Variants in PARL observed in about 807,000 individuals in gnomAD.
The protein encoded by PARL is presenilin-associated rhomboid-like protein, mitochondrial.
A neutral mutation model predicts 51.6 loss-of-function variants in PARL; 44 were observed. That is an observed-to-expected ratio of 0.85 (90% CI 0.67 to 1.10). PARL has a LOEUF of 1.10. Ranked by LOEUF, PARL falls within the 50% of genes least tolerant of loss-of-function variation. PARL has a pLI of 0.00. For synonymous variants in PARL, 172 were observed against 164.0 expected (o/e 1.05, Z -0.37); for missense variants, 441 against 469.5 (o/e 0.94, Z 0.56).
chr3:183,882,255 A>ATT (rs1734596351), intron 1 of PARL, among the ~76,000 whole-genome samples: 1 of 55,212 alleles, frequency 1.8e-5, no homozygotes, highest in South Asian at 5.3e-4. Context: ...TTATATATAT[A>ATT]TATATATATA....
At chr3:183,865,410 C>T (rs1441543179) in intron 3 of PARL, among the ~76,000 whole-genome samples, 1 of 152,204 alleles carries the variant, frequency 6.6e-6, no homozygotes, top group Non-Finnish European at 1.5e-5. Flanking sequence ...TCCCCAACAA[C>T]CCGGCTGCTG....
chr3:183,882,856 T>C (rs1734722863), intron 1 of PARL, among the ~76,000 whole-genome samples: 2 of 152,162 alleles, frequency 1.3e-5, no homozygotes, highest in South Asian at 4.1e-4. Context: ...CTATTATTAA[T>C]ACATCAAATG....
chr3:183,877,445 A>G (rs1733974100), intron 1 of PARL, among the ~76,000 whole-genome samples: 1 of 152,234 alleles, frequency 6.6e-6, no homozygotes, highest in Non-Finnish European at 1.5e-5. Context: ...AAGCAGCAGC[A>G]CGGTTTGAGA....
intron 4 of PARL, chr3:183,861,401 T>C (rs879833634): frequency 6.2e-6 from 1 of 162,144 alleles, no homozygotes; most frequent in Non-Finnish European, 1.3e-5. Context: ...CAGATGCTTA[T>C]ACTGCCCTCA....
At chr3:183,867,637 T>C (rs533057231) in intron 2 of PARL, among the ~76,000 whole-genome samples, 1 of 151,812 alleles carries the variant, frequency 6.6e-6, no homozygotes, top group East Asian at 1.9e-4. Context: ...GAGGTGGAGC[T>C]TGCAGTGAGC....
intron 8 of PARL, 52 bp downstream of exon 8, chr3:183,833,672 A>G: frequency 6.9e-7 from 1 of 1,443,196 alleles, no homozygotes; most frequent in Non-Finnish European, 9.8e-7. Flanking sequence ...AACCCACTCA[A>G]CATAAAAACA....
chr3:183,838,537 T>C (rs917973315), intron 7 of PARL, among the ~76,000 whole-genome samples: 16 of 152,216 alleles, frequency 1.1e-4, no homozygotes, highest in African/African-American at 3.9e-4. Flanking sequence ...AGGATTTTGA[T>C]GACTGAACAG....
At chr3:183,827,644 A>G (rs115305918), downstream of PARL, among the ~76,000 whole-genome samples, 402 of 152,254 alleles carry the variant, frequency 2.6e-3, 2 homozygotes, top group African/African-American at 9.4e-3. Context: ...AATTCTAGAA[A>G]TAAGAGGCGA....
At chr3:183,866,293 T>C (rs1441727692) in intron 3 of PARL, among the ~76,000 whole-genome samples, 1 of 152,210 alleles carries the variant, frequency 6.6e-6, no homozygotes, top group African/African-American at 2.4e-5. Context: ...CTGTGAAGAA[T>C]ATTAAGTGCA....
At chr3:183,874,606 G>A (rs1015789297) in intron 1 of PARL, among the ~76,000 whole-genome samples, 2 of 151,876 alleles carry the variant, frequency 1.3e-5, no homozygotes, top group African/African-American at 2.4e-5. Context: ...ATGGGGTTTC[G>A]CCATGTTGGC....
intron 4 of PARL, among the ~76,000 whole-genome samples, chr3:183,851,174 T>C (rs1437766355): frequency 2.0e-5 from 3 of 152,204 alleles, no homozygotes; most frequent in Admixed American, 1.3e-4. Flanking sequence ...AATGCCTAAA[T>C]TTAAGAGCTA....
intron 4 of PARL, chr3:183,861,198 A>T: frequency 1.2e-6 from 1 of 843,132 alleles, no homozygotes; most frequent in Non-Finnish European, 1.4e-6. Context: ...CTATCTTTGA[A>T]GTAATCATTT....
At chr3:183,833,882 T>A in intron 7 of PARL, 57 bp from the exon 8 acceptor site, 1 of 1,068,290 alleles carries the variant, frequency 9.4e-7, no homozygotes, top group Non-Finnish European at 1.5e-6. Context: ...GCTTAGTGGC[T>A]ACAAGGTCTA....
chr3:183,863,938 T>C (rs1248491344), intron 3 of PARL, among the ~76,000 whole-genome samples: 1 of 152,250 alleles, frequency 6.6e-6, no homozygotes, highest in African/African-American at 2.4e-5. Context: ...ATGAAGATTA[T>C]GTATACTGTT....
downstream of PARL, among the ~76,000 whole-genome samples, chr3:183,828,035 C>T (rs1295902675): frequency 6.6e-6 from 1 of 152,186 alleles, no homozygotes; most frequent in Non-Finnish European, 1.5e-5. Flanking sequence ...CCAGAGAAGC[C>T]AAGAGGAGAA....
In PARL at chr3:183,844,288, T is replaced by TATG; in HGVS notation, c.549_550insCAT (p.Trp183_Arg184insHis). 6.2e-7 allele frequency: 1 copy of TATG among 1,608,448 alleles called. No individual in the cohort carries two copies. The highest frequency in any genetic ancestry group is 8.5e-7 in the Non-Finnish European group (1 of 1,175,164). ...ATTGTCCGCTGCAGAGAAGGTACTC[T>TATG]CCATAAACAGAATACAAGGACATTT... On this transcript the variant is annotated inframe_insertion, in exon 5 of 10. Transcript: ENST00000317096.
intron 1 of PARL, among the ~76,000 whole-genome samples, chr3:183,878,170 T>C (rs754106829): frequency 6.6e-6 from 1 of 152,184 alleles, no homozygotes; most frequent in Non-Finnish European, 1.5e-5. Flanking sequence ...TTAGTGCTGG[T>C]TGTTGTCTGC....
chr3:183,846,268 CG>C (rs1192412301), intron 4 of PARL, among the ~76,000 whole-genome samples: 3 of 151,976 alleles, frequency 2.0e-5, no homozygotes, highest in African/African-American at 4.8e-5. Context: ...CTGAGGCGGA[CG>C]GATCACCTGA....
At chr3:183,848,110 C>CA (rs750890494) in intron 4 of PARL, among the ~76,000 whole-genome samples, 1 of 152,114 alleles carries the variant, frequency 6.6e-6, no homozygotes, top group Non-Finnish European at 1.5e-5. Context: ...AAAGAACTGG[C>CA]AAAAAATGTC....
Sources: allele counts gnomAD v4.1 joint callset (sites outside exome capture counted in the v4.1 genomes callset), GRCh38; gene constraint gnomAD v4.1.1; transcripts MANE v1.5; gene names NCBI Gene and HGNC (gene_info 2026-07-23, HGNC 2026-07-21).